The following SLAMF1 variants were observed in gnomAD, a reference collection of about 807,000 sequenced individuals.
The protein encoded by SLAMF1 is signaling lymphocytic activation molecule.
SLAMF1 carries 18 observed loss-of-function variants against 35.1 expected under a neutral mutation model. The observed-to-expected ratio is 0.51, with a 90% CI of 0.35 to 0.76. The LOEUF is 0.76. Ranked by LOEUF, SLAMF1 falls within the 30% of genes least tolerant of loss-of-function variation. SLAMF1 has a pLI of 0.01. For missense variants in SLAMF1, 392 were observed against 413.0 expected (o/e 0.95, Z 0.44); for synonymous variants, 168 against 157.2 (o/e 1.07, Z -0.51).
intron 5 of SLAMF1, chr1:160,615,711 G>T (rs762139468): frequency 3.0e-6 from 1 of 333,272 alleles, no homozygotes; most frequent in Non-Finnish European, 6.0e-6. Flanking sequence ...TCAAGATAAG[G>T]ATTTCAAAAT....
intron 6 of SLAMF1, among the ~76,000 whole-genome samples, chr1:160,612,106 C>T (rs184615660): frequency 4.6e-5 from 7 of 152,104 alleles, no homozygotes; most frequent in Admixed American, 2.0e-4. Flanking sequence ...TAGCAGTGGC[C>T]CCGTGTGAGC....
chr1:160,637,107 C>G (rs542881612), intron 2 of SLAMF1, 84 bp downstream of exon 2: 1 of 856,056 alleles, frequency 1.2e-6, no homozygotes, highest in East Asian at 2.4e-5. Context: ...TCTGAATACC[C>G]TTTGCTTTTA....
chr1:160,623,854 A>G (rs550345659), intron 4 of SLAMF1, among the ~76,000 whole-genome samples: 33 of 152,294 alleles, frequency 2.2e-4, no homozygotes, highest in African/African-American at 7.0e-4. Flanking sequence ...TATCTGAATA[A>G]TGTCTCTCAC....
At chr1:160,617,118 T>C (rs1659343065) in intron 5 of SLAMF1, among the ~76,000 whole-genome samples, 2 of 150,836 alleles carry the variant, frequency 1.3e-5, no homozygotes, top group Non-Finnish European at 2.9e-5. Flanking sequence ...ATCACGCCAC[T>C]GCACCCCAGC....
intron 5 of SLAMF1, 128 bp from the exon 6 acceptor site, chr1:160,612,708 C>A: frequency 1.7e-6 from 1 of 603,968 alleles, no homozygotes. Context: ...TTTGGTCCAA[C>A]CTCCTTCTCA....
At chr1:160,612,722 G>A (rs751100682) in intron 5 of SLAMF1, 142 bp from the exon 6 acceptor site, 9 of 585,856 alleles carry the variant, frequency 1.5e-5, no homozygotes, top group Admixed American at 8.6e-5. Context: ...CTTCTCAGGT[G>A]GGAATTCTCC....
chr1:160,619,263 G>C (rs1170650676), intron 5 of SLAMF1, among the ~76,000 whole-genome samples: 1 of 151,976 alleles, frequency 6.6e-6, no homozygotes, highest in Admixed American at 6.6e-5. Context: ...TCACTTCTTA[G>C]TCCAGTGATC....
Position 160,634,749 on chromosome 1 carries a change from G to A in SLAMF1, c.564C>T (p.Ala188=). Residue 188 remains alanine (A), a synonymous_variant, in exon 3 of 7, where the codon GCC becomes GCT. Transcript: ENST00000302035. ...EKAGTHPLNP[A]NSSHLLSLTL... is the part of the protein sequence containing the mutation. The stretch of plus-strand genomic sequence containing the variant: ...TGAGGGACAGGAGGTGGGAGCTGTT[G>A]GCTGGGTTCAGTGGGTGGGTGCCCG... 1 of 1,614,186 alleles carries A rather than the reference G, an allele frequency of 6.2e-7. No individual in the cohort carries two copies.
intron 5 of SLAMF1, among the ~76,000 whole-genome samples, chr1:160,614,313 C>T (rs544428828): frequency 1.3e-5 from 2 of 152,258 alleles, no homozygotes; most frequent in South Asian, 2.1e-4. Context: ...TGGTGGCTCA[C>T]GCCTGTAATC....
chr1:160,615,052 A>G (rs780233007), intron 5 of SLAMF1, among the ~76,000 whole-genome samples: 1 of 152,148 alleles, frequency 6.6e-6, no homozygotes, highest in African/African-American at 2.4e-5. Context: ...AGTGATTTTC[A>G]TGTTATTATA....
chr1:160,635,738 A>ATTTT (rs33918009), intron 2 of SLAMF1, among the ~76,000 whole-genome samples: 1 of 144,336 alleles, frequency 6.9e-6, no homozygotes, highest in Non-Finnish European at 1.5e-5. Context: ...TGCTGAGCTA[A>ATTTT]TTTTTTTTTT....
Position 160,642,263 on chromosome 1 carries a change from A to G in SLAMF1, c.76+4607T>C, listed in dbSNP as rs114881568. ...CTGCTGGGTCTTTCTATCTTAGACT[A>G]TTAGTATGTACGTTCCCTAGCCTTA... On this transcript the variant is annotated intron_variant, in intron 1 of 6. Coordinates refer to ENST00000302035, the MANE Select transcript of SLAMF1 (RefSeq NM_003037.5). This position sits in a 1 kb window ranked among gnomAD's most constrained non-coding sequence, Gnocchi z 4.2. 1.9e-3 allele frequency among the ~76,000 whole-genome samples: 287 copies of G among 152,318 alleles called. No homozygotes were observed. Among genetic ancestry groups the G allele is most frequent in the African/African-American group, 6.4e-3 (265 of 41,568 alleles).
At chr1:160,644,738 A>G (rs1268440839) in intron 1 of SLAMF1, among the ~76,000 whole-genome samples, 1 of 152,338 alleles carries the variant, frequency 6.6e-6, no homozygotes, top group East Asian at 1.9e-4. Flanking sequence ...AAGTGACAGC[A>G]TCACATCACA....
At chr1:160,634,549 G>T in intron 3 of SLAMF1, 64 bp downstream of exon 3, 1 of 1,486,874 alleles carries the variant, frequency 6.7e-7, no homozygotes, top group Non-Finnish European at 9.1e-7. Flanking sequence ...GGAGCAATTG[G>T]ACCATGTGAA....
intron 3 of SLAMF1, 141 bp downstream of exon 3, chr1:160,634,472 A>C: frequency 7.1e-7 from 1 of 1,402,690 alleles, no homozygotes; most frequent in South Asian, 1.5e-5. Context: ...CTAAATGCAC[A>C]TGGTAAACTT....
intron 3 of SLAMF1, among the ~76,000 whole-genome samples, chr1:160,633,967 G>A (rs1475121942): frequency 6.6e-6 from 1 of 152,160 alleles, no homozygotes; most frequent in Non-Finnish European, 1.5e-5. Context: ...AGTTGAGAGT[G>A]CTTTGCTAAT....
rs771552491 is a variant in SLAMF1 at position 160,610,838 on chromosome 1, T to C, written c.958-40A>G. 4.2e-6 allele frequency: 6 copies of C among 1,424,398 alleles called. No homozygotes were observed. The South Asian group carries it at 4.6e-5, about 11-fold the overall frequency. 88.2% of individuals were successfully genotyped at this position (1,424,398 alleles called of 1,614,324 possible). On this transcript the variant is annotated intron_variant, in intron 6 of 6. Transcript: ENST00000302035. ...GAAGTCTGTGAGTAGAGGGACTGGA[T>C]ACTCACTTCACAGAATGCAAATGAA...
chr1:160,618,203 A>T (rs1371443143), intron 5 of SLAMF1, among the ~76,000 whole-genome samples: 2 of 152,244 alleles, frequency 1.3e-5, no homozygotes, highest in Admixed American at 6.5e-5. Context: ...TGATTCTAAA[A>T]TACATATGAA....
At chr1:160,611,610 A>C (rs906902752) in intron 6 of SLAMF1, among the ~76,000 whole-genome samples, 1 of 152,210 alleles carries the variant, frequency 6.6e-6, no homozygotes, top group Non-Finnish European at 1.5e-5. Context: ...CAAATGGAGC[A>C]AAGATTTCAG....
Sources: allele counts gnomAD v4.1 joint callset (sites outside exome capture counted in the v4.1 genomes callset), GRCh38; gene constraint gnomAD v4.1.1; non-coding constraint Gnocchi (gnomAD v3.1); transcripts MANE v1.5; gene names NCBI Gene and HGNC (gene_info 2026-07-23, HGNC 2026-07-21).